The following QRSL1 variants were observed in gnomAD, a reference collection of about 807,000 sequenced individuals.
The protein encoded by QRSL1 is glutaminyl-tRNA amidotransferase subunit QRSL1.
QRSL1 carries 54 observed loss-of-function variants against 61.6 expected under a neutral mutation model. The observed-to-expected ratio is 0.88, with a 90% CI of 0.70 to 1.10. The LOEUF (loss-of-function observed/expected upper bound fraction) is 1.10, where lower values mean the gene tolerates loss of function less well. Ranked by LOEUF, QRSL1 falls within the 50% of genes least tolerant of loss-of-function variation. The pLI is 0.00. For synonymous variants in QRSL1, 228 were observed against 225.7 expected (o/e 1.01, Z -0.09); for missense variants, 505 against 622.6 (o/e 0.81, Z 2.01).
chr6:106,631,404 A>G (rs1316041201), intron 1 of QRSL1, among the ~76,000 whole-genome samples: 1 of 152,212 alleles, frequency 6.6e-6, no homozygotes. Context: ...TGCAATGGGA[A>G]TATGTGTAAT....
At chr6:106,642,429 G>A (rs993363062) in intron 3 of QRSL1, 4 of 571,390 alleles carry the variant, frequency 7.0e-6, no homozygotes, top group Admixed American at 2.3e-5. Context: ...GCCTTTTGGC[G>A]GGAACCACCA....
At chr6:106,640,977 T>A (rs1229313137) in intron 3 of QRSL1, 56 bp downstream of exon 3, 1 of 1,282,064 alleles carries the variant, frequency 7.8e-7, no homozygotes, top group Non-Finnish European at 1.1e-6. Context: ...TATTTTTCGC[T>A]TTAAGGATAA....
chr6:106,667,407 T>C lies in QRSL1; in HGVS notation c.*1405T>C, dbSNP rs1023001568. The C allele has an allele frequency of 6.6e-6, 1 of 152,254 alleles. No homozygotes were observed. Among genetic ancestry groups the C allele is most frequent in the Non-Finnish European group, 1.5e-5 (1 of 68,052 alleles). The allele number at this position is 152,254 out of a possible 1,614,324, so 9.4% of individuals were successfully genotyped here. A position where few individuals can be genotyped will look rare whatever the true frequency, so the allele number is the denominator to read the frequency against. Reference sequence around the variant, plus strand: ...TCCATTTACTCATGATAAGGCTTCATCACTGGATTTCTGTGTCTTCACTAG... The same window carrying C: ...TCCATTTACTCATGATAAGGCTTCACCACTGGATTTCTGTGTCTTCACTAG... On this transcript the variant is annotated 3_prime_UTR_variant, in exon 11 of 11. Coordinates refer to ENST00000369046, the MANE Select transcript of QRSL1 (RefSeq NM_018292.5).
At chr6:106,663,802 GT>G (rs914109627) in intron 10 of QRSL1, among the ~76,000 whole-genome samples, 6 of 151,970 alleles carry the variant, frequency 3.9e-5, no homozygotes, top group Non-Finnish European at 7.4e-5. Context: ...ACACTTAGTA[GT>G]TTTTTTTAAC....
At chr6:106,643,233 A>G (rs1009538471) in intron 4 of QRSL1, 143 bp downstream of exon 4, 2 of 608,716 alleles carry the variant, frequency 3.3e-6, no homozygotes, top group African/African-American at 1.9e-5. Flanking sequence ...TAATAGATAT[A>G]TAGTCATCTC....
intron 9 of QRSL1, among the ~76,000 whole-genome samples, chr6:106,661,487 T>C (rs1227218995): frequency 1.3e-5 from 2 of 152,142 alleles, no homozygotes; most frequent in Non-Finnish European, 2.9e-5. Flanking sequence ...GTGTGTAAAT[T>C]ATATGTGATG....
At chr6:106,665,210 C>A (rs1283011275) in intron 10 of QRSL1, among the ~76,000 whole-genome samples, 3 of 152,104 alleles carry the variant, frequency 2.0e-5, no homozygotes, top group Non-Finnish European at 4.4e-5. Flanking sequence ...TCTGCCCAAA[C>A]CTGGAATTAA....
In QRSL1 at chr6:106,665,820, C is replaced by T; in HGVS notation, c.1405C>T (p.Gln469Ter). 2 of 1,613,870 alleles carry T rather than the reference C, an allele frequency of 1.2e-6. No homozygotes were observed. The highest frequency in any genetic ancestry group is 1.7e-6 in the Non-Finnish European group (2 of 1,179,846). ...GAGTATCCCTGTTGCACTCTCAAAC[C>T]AAGGGTTGCCAATAGGACTGCAGTT... ...AVSIPVALSN[Q>*]GLPIGLQFIG... The change falls in exon 11 of 11, where the codon CAA (glutamine) becomes TAA (stop). Residue 469 changes from glutamine (Q) to a stop codon, truncating the protein, a stop_gained. Transcript: ENST00000369046. LOFTEE classifies it high-confidence loss of function.
rs891606362 is a variant in QRSL1 at position 106,649,119 on chromosome 6, G to A, written c.475G>A (p.Glu159Lys). 2.9e-5 allele frequency: 46 copies of A among 1,614,036 alleles called. No individual in the cohort carries two copies. Among genetic ancestry groups the A allele is most frequent in the Non-Finnish European group, 3.5e-5 (41 of 1,180,028 alleles). Residue 159 changes from glutamate to lysine, a missense_variant, in exon 5 of 11, where the codon GAG (glutamate) becomes AAG (lysine). Physicochemically the swap from Glu to Lys is moderately conservative, Grantham distance 56. Transcript: ENST00000369046. ...AAAGAGGAAGCAGAATCCCCACAGC[G>A]AGAATGAAGATTCAGACTGGCTGAT... ...REKRKQNPHS[E>K]NEDSDWLITG...
intron 5 of QRSL1, among the ~76,000 whole-genome samples, chr6:106,651,047 C>T (rs1777181683): frequency 6.6e-6 from 1 of 152,136 alleles, no homozygotes; most frequent in Non-Finnish European, 1.5e-5. Context: ...CACTTTTCAT[C>T]TTGCAACGCT....
intron 9 of QRSL1, among the ~76,000 whole-genome samples, chr6:106,659,421 TGC>T (rs1777320226): frequency 6.6e-6 from 1 of 150,868 alleles, no homozygotes; most frequent in Non-Finnish European, 1.5e-5. Flanking sequence ...CCCAAGATTG[TGC>T]CACTGCACCC....
chr6:106,648,080 G>A (rs1777139936), intron 4 of QRSL1, among the ~76,000 whole-genome samples: 1 of 151,558 alleles, frequency 6.6e-6, no homozygotes, highest in Non-Finnish European at 1.5e-5. Context: ...GGTGGATTAC[G>A]AGGTCAAGAG....
rs775036355 is a variant in QRSL1 at position 106,665,777 on chromosome 6, C to T, written c.1367-5C>T. On this transcript the variant is annotated splice_region_variant and splice_polypyrimidine_tract_variant and intron_variant, in intron 10 of 10. Coordinates refer to ENST00000369046, the MANE Select transcript of QRSL1 (RefSeq NM_018292.5). ...ATCACCTACTGGGTTTCCTTCTTTT[C>T]CCAGGATTGCCAGCAGTGAGTATCC... 1 of 1,613,492 alleles carries T rather than the reference C, an allele frequency of 6.2e-7. No individual in the cohort carries two copies.
At chr6:106,664,038 A>G (rs1210384043) in intron 10 of QRSL1, among the ~76,000 whole-genome samples, 1 of 152,182 alleles carries the variant, frequency 6.6e-6, no homozygotes, top group African/African-American at 2.4e-5. Context: ...CTTTTGTACA[A>G]ATCTTATAAG....
chr6:106,647,255 T>C (rs1039451831), intron 4 of QRSL1, among the ~76,000 whole-genome samples: 1 of 152,018 alleles, frequency 6.6e-6, no homozygotes, highest in African/African-American at 2.4e-5. Flanking sequence ...ACAAAAGATT[T>C]AAGAAGACGT....
chr6:106,663,655 A>G (rs1777394032), intron 10 of QRSL1, among the ~76,000 whole-genome samples: 1 of 152,236 alleles, frequency 6.6e-6, no homozygotes, highest in African/African-American at 2.4e-5. Context: ...AACCGTCCCC[A>G]TGATCCAGTT....
intron 1 of QRSL1, among the ~76,000 whole-genome samples, chr6:106,634,023 A>G (rs1222347211): frequency 6.6e-6 from 1 of 152,130 alleles, no homozygotes; most frequent in East Asian, 1.9e-4. Flanking sequence ...AGATCATAGT[A>G]TGAGAACTAG....
intron 4 of QRSL1, among the ~76,000 whole-genome samples, chr6:106,646,486 ACAT>A (rs1777106477): frequency 6.6e-6 from 1 of 152,126 alleles, no homozygotes; most frequent in South Asian, 2.1e-4. Context: ...GTAAAACCTA[ACAT>A]CATAAAACTC....
At chr6:106,630,238 T>C (rs918124860) in intron 1 of QRSL1, among the ~76,000 whole-genome samples, 2 of 152,254 alleles carry the variant, frequency 1.3e-5, no homozygotes, top group African/African-American at 4.8e-5. Context: ...TATTTGTGAA[T>C]GCTTTCTGGG....
Sources: gnomAD v4.1 joint callset for allele counts (sites outside exome capture counted in the v4.1 genomes callset) on GRCh38, gnomAD v4.1.1 for gene constraint, MANE v1.5 for transcripts, NCBI Gene and HGNC (gene_info 2026-07-23, HGNC 2026-07-21) for gene names.